The following PRR16 variants were observed in gnomAD, a reference collection of about 807,000 sequenced individuals.
The protein encoded by PRR16 is protein Largen.
Under a neutral mutation model 18.2 loss-of-function variants are expected in PRR16, and 6 were observed. The ratio of observed to expected loss-of-function variants is 0.33; its 90% confidence interval spans 0.18 to 0.65. The LOEUF (loss-of-function observed/expected upper bound fraction) is 0.65. PRR16 is among the 30% of genes least tolerant of loss of function. The probability of loss-of-function intolerance (pLI) is 0.74; values close to 1 mark genes in which losing one functional copy is unlikely to be tolerated. For missense variants in PRR16, 412 were observed against 376.6 expected, an observed-to-expected ratio of 1.09 and a Z score of -0.78; for synonymous variants, 151 against 147.8, an observed-to-expected ratio of 1.02 and a Z score of -0.16.
intron 1 of PRR16, among the ~76,000 whole-genome samples, chr5:120,668,436 A>C (rs1756473398): frequency 6.7e-6 from 1 of 149,632 alleles, no homozygotes; most frequent in African/African-American, 2.5e-5. Flanking sequence ...TTTTAATTGG[A>C]GCATTTAGTC....
chr5:120,562,631 G>A (rs1481740116), intron 1 of PRR16, among the ~76,000 whole-genome samples: 1 of 151,980 alleles, frequency 6.6e-6, no homozygotes, highest in African/African-American at 2.4e-5. Context: ...AACTTTGTGT[G>A]TGTGTGTATC....
chr5:120,791,966 TCAAG>T, the PRR16 span, among the ~76,000 whole-genome samples: 2 of 152,140 alleles, frequency 1.3e-5, no homozygotes, highest in Non-Finnish European at 2.9e-5. Flanking sequence ...ATTAAAATAA[TCAAG>T]CAAGGAATCA....
intron 1 of PRR16, among the ~76,000 whole-genome samples, chr5:120,538,546 T>C (rs1393454281): frequency 6.6e-6 from 1 of 152,232 alleles, no homozygotes; most frequent in Admixed American, 6.5e-5. Flanking sequence ...ATGCCACTTT[T>C]AGTGGCGATA....
chr5:120,680,628 TTGTC>T (rs1277638432), intron 1 of PRR16, among the ~76,000 whole-genome samples: 1 of 152,168 alleles, frequency 6.6e-6, no homozygotes. Context: ...TCTTTAAAAG[TTGTC>T]TGAACTGACT....
chr5:120,611,872 C>T (rs746230785), intron 1 of PRR16, among the ~76,000 whole-genome samples: 2 of 152,124 alleles, frequency 1.3e-5, no homozygotes, highest in East Asian at 3.9e-4. Context: ...GTAGCTCTAC[C>T]GACAGCTTGC....
intron 1 of PRR16, among the ~76,000 whole-genome samples, chr5:120,508,103 GC>G (rs1270699508): frequency 2.0e-5 from 3 of 152,150 alleles, no homozygotes; most frequent in Non-Finnish European, 2.9e-5. Context: ...TTCTGGGAAA[GC>G]TTTTAAAGGG....
At chr5:120,761,742 T>G in the PRR16 span, among the ~76,000 whole-genome samples, 1 of 152,254 alleles carries the variant, frequency 6.6e-6, no homozygotes, top group Admixed American at 6.5e-5. Context: ...CTCTTCTAGC[T>G]ATTTTAAAAT....
chr5:120,596,387 G>C lies in PRR16; in HGVS notation c.160-89567G>C, dbSNP rs548693340. On this transcript the variant is annotated intron_variant, in intron 1 of 1. Transcript: ENST00000407149. Reference sequence around the variant, plus strand: ...CACAAAACCGGAACCTGATTATATTGAAAAACCTGAGGACCAAACTCTTCC... The same window carrying C: ...CACAAAACCGGAACCTGATTATATTCAAAAACCTGAGGACCAAACTCTTCC... Among the ~76,000 whole-genome samples the C allele has an allele frequency of 1.3e-3, 201 of 151,780 alleles. 1 individual carries two copies. Among genetic ancestry groups the C allele is most frequent in the African/African-American group, 4.5e-3 (186 of 41,478 alleles).
chr5:120,536,979 G>A (rs1449740315), intron 1 of PRR16, among the ~76,000 whole-genome samples: 2 of 152,128 alleles, frequency 1.3e-5, no homozygotes, highest in East Asian at 3.9e-4. Flanking sequence ...ACTTATAAGC[G>A]GGAGCTAAAT....
In PRR16 at chr5:120,464,569, A is replaced by C. The variant is rs924378713; in HGVS notation, c.83A>C (p.Glu28Ala). Reference sequence around the variant, plus strand: ...GCAGCCTCCAAAACCAAGGTGAAGGAACAGATCAAGATCATCGTGGAGGAT... The same window carrying C: ...GCAGCCTCCAAAACCAAGGTGAAGGCACAGATCAAGATCATCGTGGAGGAT... ...PPAASKTKVKEQIKIIVEDLE... is the reference protein window; with the variant it reads ...PPAASKTKVKAQIKIIVEDLE... Residue 28 changes from glutamate to alanine, a missense_variant, in exon 1 of 2, where the codon GAA (glutamate) becomes GCA (alanine). By Grantham distance (107) the Glu-to-Ala change is moderately radical. Transcript: ENST00000407149. 1.8e-5 allele frequency: 29 copies of C among 1,589,348 alleles called. No individual in the cohort carries two copies. The highest frequency in any genetic ancestry group is 2.4e-5 in the Non-Finnish European group (28 of 1,175,944).
intron 1 of PRR16, among the ~76,000 whole-genome samples, chr5:120,633,180 TGA>T (rs1561584352): frequency 1.3e-5 from 2 of 152,152 alleles, no homozygotes; most frequent in Non-Finnish European, 2.9e-5. Context: ...AAGCAAATGC[TGA>T]GAGAATTCTC....
intron 1 of PRR16, among the ~76,000 whole-genome samples, chr5:120,471,354 G>T (rs1438790911): frequency 6.6e-6 from 1 of 151,980 alleles, no homozygotes; most frequent in Non-Finnish European, 1.5e-5. Context: ...GTATATAATT[G>T]TTTCAAAGAA....
chr5:120,694,642 G>A, the PRR16 span, among the ~76,000 whole-genome samples: 1 of 147,514 alleles, frequency 6.8e-6, no homozygotes, highest in Admixed American at 6.8e-5. Context: ...CCGAGATTGC[G>A]CCACTGCACT....
At chr5:120,493,186 T>C (rs56035556) in intron 1 of PRR16, among the ~76,000 whole-genome samples, 3,766 of 150,950 alleles carry the variant, frequency 0.025, 122 homozygotes, top group African/African-American at 0.074. Context: ...CAGTGTAAAA[T>C]GGTTCTCTTT....
At chr5:120,778,931 A>G in the PRR16 span, among the ~76,000 whole-genome samples, 4 of 152,190 alleles carry the variant, frequency 2.6e-5, no homozygotes, top group African/African-American at 4.8e-5. Flanking sequence ...CAAGTAATAA[A>G]TTAAAAATGG....
At chr5:120,538,333 C>A (rs1000407883) in intron 1 of PRR16, among the ~76,000 whole-genome samples, 3 of 152,142 alleles carry the variant, frequency 2.0e-5, no homozygotes, top group African/African-American at 7.2e-5. Flanking sequence ...GAAAACATAG[C>A]ATTTTCAGTT....
intron 1 of PRR16, among the ~76,000 whole-genome samples, chr5:120,667,080 A>G (rs578253515): frequency 1.3e-5 from 2 of 151,984 alleles, no homozygotes; most frequent in Admixed American, 1.3e-4. Flanking sequence ...CTGTGAATCC[A>G]TCTGGTCCTG....
At chr5:120,484,549 T>TAA (rs1411118182) in intron 1 of PRR16, among the ~76,000 whole-genome samples, 1 of 145,880 alleles carries the variant, frequency 6.9e-6, no homozygotes, top group African/African-American at 2.5e-5. Flanking sequence ...TCATATATAA[T>TAA]TATATATTGT....
the PRR16 span, among the ~76,000 whole-genome samples, chr5:120,754,510 A>ATT: frequency 2.8e-5 from 2 of 71,676 alleles, no homozygotes; most frequent in African/African-American, 6.0e-5. Flanking sequence ...TATTATGTAT[A>ATT]TTATATATTA....
Sources: allele counts gnomAD v4.1 joint callset (sites outside exome capture counted in the v4.1 genomes callset), GRCh38; gene constraint gnomAD v4.1.1; transcripts MANE v1.5; gene names NCBI Gene and HGNC (gene_info 2026-07-23, HGNC 2026-07-21).